PCDHGB3: variants seen among roughly 807,000 people sequenced by gnomAD.
PCDHGB3 encodes protocadherin gamma subfamily B, 3.
Under a neutral mutation model 59.2 loss-of-function variants are expected in PCDHGB3, and 40 were observed. The ratio of observed to expected loss-of-function variants is 0.68; its 90% CI spans 0.52 to 0.88. PCDHGB3 has a LOEUF of 0.88. Ranked by LOEUF, PCDHGB3 falls within the 40% of genes least tolerant of loss-of-function variation. PCDHGB3 has a pLI of 0.00. For missense variants in PCDHGB3, 1,309 were observed against 1,187.9 expected, an observed-to-expected ratio of 1.10 and a Z score of -1.50; for synonymous variants, 581 against 503.6, an observed-to-expected ratio of 1.15 and a Z score of -2.06.
rs1561745511 is a variant in PCDHGB3 at position 141,413,844 on chromosome 5, C to T, written c.2415+41035C>T. The stretch of plus-strand genomic sequence containing the variant: ...TCCTCACCGCCTCCGACGGGGGTGA[C>T]CCTCTCCGATCTGGCACTGTCCTTG... On this transcript the variant is annotated intron_variant, in intron 1 of 3. Transcript: ENST00000576222. The T allele has an allele frequency of 5.6e-6, 9 of 1,613,254 alleles. No homozygotes were observed. The East Asian group carries it at 6.7e-5, about 12-fold the overall frequency.
intron 1 of PCDHGB3, chr5:141,383,335 A>G (rs768493481): frequency 3.1e-6 from 5 of 1,613,892 alleles, no homozygotes; most frequent in Non-Finnish European, 4.2e-6. Flanking sequence ...AATGGAGAAT[A>G]CAGCTCCTGG....
In PCDHGB3 at chr5:141,376,000, G is replaced by A. The variant is rs771269314; in HGVS notation, c.2415+3191G>A. The A allele has an allele frequency of 1.4e-5, 22 of 1,613,334 alleles. No individual in the cohort carries two copies. In the Admixed American group the frequency reaches 3.3e-4, roughly 24 times the overall value. On this transcript the variant is annotated intron_variant, in intron 1 of 3. Transcript: ENST00000576222. Reference sequence around the variant, plus strand: ...CCCTGCTGGACAGAGACGCGCTCAAGCAGAGCCTAGTGGTGGCCGTCCAGG... The same window carrying A: ...CCCTGCTGGACAGAGACGCGCTCAAACAGAGCCTAGTGGTGGCCGTCCAGG...
At chr5:141,467,491 A>T (rs2154569531) in intron 1 of PCDHGB3, among the ~76,000 whole-genome samples, 1 of 152,224 alleles carries the variant, frequency 6.6e-6, no homozygotes, top group Admixed American at 6.5e-5. Flanking sequence ...CCACATTTAG[A>T]TCCCTGATCT....
rs138463062 is a variant in PCDHGB3 at position 141,485,217 on chromosome 5, C to G, written c.2416-9590C>G. 6.8e-6 allele frequency: 11 copies of G among 1,613,996 alleles called. No individual in the cohort carries two copies. Among genetic ancestry groups the G allele is most frequent in the Non-Finnish European group, 9.3e-6 (11 of 1,179,978 alleles). ...AGCTGGACAGAAATCTGGCGGTGGGCTACCCTTTTGTTCCTCTTTTACCAC... is the reference window on the plus strand; with the variant it reads ...AGCTGGACAGAAATCTGGCGGTGGGGTACCCTTTTGTTCCTCTTTTACCAC... On this transcript the variant is annotated intron_variant, in intron 1 of 3. Coordinates refer to ENST00000576222, the MANE Select transcript of PCDHGB3 (RefSeq NM_018924.5). This position sits in a 1 kb window ranked among gnomAD's most constrained non-coding sequence, Gnocchi z 5.7.
At chr5:141,427,198 T>G (rs1345851173) in intron 1 of PCDHGB3, 1 of 456,584 alleles carries the variant, frequency 2.2e-6, no homozygotes, top group African/African-American at 2.0e-5. Flanking sequence ...AAAGACTTAA[T>G]AGACTTCGAA....
At chr5:141,497,553 T>C (rs2099777684) in intron 2 of PCDHGB3, among the ~76,000 whole-genome samples, 1 of 151,326 alleles carries the variant, frequency 6.6e-6, no homozygotes, top group South Asian at 2.1e-4. Context: ...TTTTTTTTTT[T>C]TTTTTAGACA....
intron 1 of PCDHGB3, among the ~76,000 whole-genome samples, chr5:141,447,724 A>T (rs2098549653): frequency 6.6e-6 from 1 of 152,126 alleles, no homozygotes. Flanking sequence ...ATTTTCCAAA[A>T]CTCATTGAAC....
Position 141,371,888 on chromosome 5 carries a change from G to C in PCDHGB3, c.1494G>C (p.Pro498=), listed in dbSNP as rs1464333099. ...SYYIVASDLE[P]RELSSYVSVS... is the part of the protein sequence containing the mutation. ...ACATCGTGGCCAGTGACCTGGAGCC[G>C]CGGGAGCTGTCGTCCTACGTGTCCG... Residue 498 remains proline (P), a synonymous_variant, in exon 1 of 4, where the codon CCG becomes CCC. Coordinates refer to ENST00000576222, the MANE Select transcript of PCDHGB3 (RefSeq NM_018924.5). The C allele has an allele frequency of 6.2e-7, 1 of 1,613,320 alleles. No individual in the cohort carries two copies. The highest frequency in any genetic ancestry group is 2.2e-5 in the East Asian group (1 of 44,898).
At chr5:141,399,341 C>T in intron 1 of PCDHGB3, 2 of 1,613,938 alleles carry the variant, frequency 1.2e-6, no homozygotes, top group Non-Finnish European at 1.7e-6. Context: ...ACAGATGGAA[C>T]CCTAGACCGA....
chr5:141,494,923 G>A lies in PCDHGB3; in HGVS notation c.2474+58G>A, dbSNP rs572227346. Reference sequence around the variant, plus strand: ...TCTGCGGCATTTTCTCAGGGATGACGTGGGAGGAGATGGGGGAGGGCCCAG... The same window carrying A: ...TCTGCGGCATTTTCTCAGGGATGACATGGGAGGAGATGGGGGAGGGCCCAG... On this transcript the variant is annotated intron_variant, in intron 2 of 3. Coordinates refer to ENST00000576222, the MANE Select transcript of PCDHGB3 (RefSeq NM_018924.5). The A allele has an allele frequency of 8.9e-5, 143 of 1,613,698 alleles. 1 individual carries two copies. In the Middle Eastern group the frequency reaches 1.8e-3, roughly 20 times the overall value.
At chr5:141,470,694 A>T (rs763715272) in intron 1 of PCDHGB3, among the ~76,000 whole-genome samples, 1 of 151,978 alleles carries the variant, frequency 6.6e-6, no homozygotes, top group African/African-American at 2.4e-5. Flanking sequence ...GAAATTCTTA[A>T]TAATTTTTAT....
chr5:141,422,997 C>G, intron 1 of PCDHGB3: 1 of 1,614,218 alleles, frequency 6.2e-7, no homozygotes, highest in South Asian at 1.1e-5. Flanking sequence ...ACCTGGTGAC[C>G]AAGGTGGTTG....
intron 2 of PCDHGB3, among the ~76,000 whole-genome samples, chr5:141,498,371 C>T (rs188547878): frequency 6.6e-6 from 1 of 151,838 alleles, no homozygotes; most frequent in Admixed American, 6.6e-5. Flanking sequence ...TGTGGTGAGG[C>T]CTCCTGGGAT....
chr5:141,397,092 G>A (rs1422724446), intron 1 of PCDHGB3, among the ~76,000 whole-genome samples: 3 of 152,136 alleles, frequency 2.0e-5, no homozygotes, highest in South Asian at 2.1e-4. Flanking sequence ...ATTTCAGATA[G>A]GATAATAATG....
In PCDHGB3 at chr5:141,454,796, A is replaced by ATTTT. The variant is rs61612330; in HGVS notation, c.2416-39985_2416-39982dup. Among the ~76,000 whole-genome samples, 123 of 77,452 alleles carry ATTTT rather than the reference A, an allele frequency of 1.6e-3. 16 individuals are homozygous for ATTTT. The highest frequency in any genetic ancestry group is 7.2e-3 in the South Asian group (14 of 1,958). 50.8% of individuals were successfully genotyped at this position (77,452 alleles called of 152,430 possible). On this transcript the variant is annotated intron_variant, in intron 1 of 3. Coordinates refer to ENST00000576222, the MANE Select transcript of PCDHGB3 (RefSeq NM_018924.5). ...AAGGAAATAATCCTCCATGGTTCTAATTTTTTTTTTTTTTTTTTTTTTTTT... is the reference window on the plus strand; with the variant it reads ...AAGGAAATAATCCTCCATGGTTCTAATTTTTTTTTTTTTTTTTTTTTTTTTTTTT...
intron 1 of PCDHGB3, chr5:141,394,518 A>C (rs1256235757): frequency 6.2e-7 from 1 of 1,614,094 alleles, no homozygotes; most frequent in Non-Finnish European, 8.5e-7. Flanking sequence ...CGCCCTCCCC[A>C]CAGACGGTTC....
Position 141,443,253 on chromosome 5 carries a change from G to A in PCDHGB3, c.2416-51554G>A, listed in dbSNP as rs192939862. 1.8e-4 allele frequency among the ~76,000 whole-genome samples: 28 copies of A among 152,214 alleles called. No individual in the cohort carries two copies. The Middle Eastern group carries it at 0.014, about 74-fold the overall frequency. On this transcript the variant is annotated intron_variant, in intron 1 of 3. Transcript: ENST00000576222. Reference sequence around the variant, plus strand: ...CTTAGCACTTTGGGGCGCCAAGGCGGGTGGATCACTTGAGCCCAGGAGTTT... The same window carrying A: ...CTTAGCACTTTGGGGCGCCAAGGCGAGTGGATCACTTGAGCCCAGGAGTTT...
chr5:141,374,849 C>A (rs1770893112), intron 1 of PCDHGB3: 3 of 1,613,636 alleles, frequency 1.9e-6, no homozygotes, highest in South Asian at 1.1e-5. Context: ...TGAAAACCTG[C>A]CAGTAGGCAC....
intron 1 of PCDHGB3, among the ~76,000 whole-genome samples, chr5:141,470,752 C>T (rs1427502169): frequency 6.6e-6 from 1 of 152,178 alleles, no homozygotes; most frequent in Non-Finnish European, 1.5e-5. Flanking sequence ...GGCTGGAGTG[C>T]AGTGGACTCA....
Sources: allele counts gnomAD v4.1 joint callset (sites outside exome capture counted in the v4.1 genomes callset), GRCh38; gene constraint gnomAD v4.1.1; non-coding constraint Gnocchi (gnomAD v3.1); transcripts MANE v1.5; gene names NCBI Gene and HGNC (gene_info 2026-07-23, HGNC 2026-07-21).